TMEM135: variants seen among roughly 807,000 people sequenced by gnomAD.
TMEM135 encodes the protein peroxisomal membrane protein 52.
Under a neutral mutation model 60.3 loss-of-function variants are expected in TMEM135, and 30 were observed. That is an observed-to-expected ratio of 0.50 (90% CI 0.37 to 0.68). The LOEUF is 0.68. Among genes scored for constraint, TMEM135 ranks in the 30% least tolerant of loss-of-function variants. The pLI, the probability that TMEM135 is intolerant of heterozygous loss-of-function variation, is 0.00. For synonymous variants in TMEM135, 190 were observed against 186.7 expected (o/e 1.02, Z -0.14); for missense variants, 468 against 548.8 (o/e 0.85, Z 1.47).
At chr11:87,257,152 G>A (rs1941542434) in intron 6 of TMEM135, among the ~76,000 whole-genome samples, 1 of 152,058 alleles carries the variant, frequency 6.6e-6, no homozygotes, top group Non-Finnish European at 1.5e-5. Context: ...ATCCTCTTTT[G>A]CATGCTGTCT....
chr11:87,282,425 C>T lies in TMEM135; in HGVS notation c.510-13357C>T, dbSNP rs918416723. ...GATTACAGGCACGAGCCACCATGGC[C>T]GGCTAATTTTTGTATTTTTAGTAGA... is the stretch of plus-strand genomic sequence containing the variant. On this transcript the variant is annotated intron_variant, in intron 6 of 14. Coordinates refer to ENST00000305494, the MANE Select transcript of TMEM135 (RefSeq NM_022918.4). Among the ~76,000 whole-genome samples, 9 of 152,168 alleles carry T rather than the reference C, an allele frequency of 5.9e-5. No homozygotes were observed. In the South Asian group the frequency reaches 1.0e-3, roughly 18 times the overall value.
At chr11:87,288,839 C>T (rs1012451583) in intron 6 of TMEM135, among the ~76,000 whole-genome samples, 2 of 151,858 alleles carry the variant, frequency 1.3e-5, no homozygotes, top group East Asian at 3.9e-4. Context: ...ATTTAAAATG[C>T]GTAATATAAG....
At chr11:87,059,470 C>T (rs1004306505) in intron 1 of TMEM135, among the ~76,000 whole-genome samples, 1 of 151,964 alleles carries the variant, frequency 6.6e-6, no homozygotes, top group African/African-American at 2.4e-5. Context: ...CGTGTGCTAC[C>T]ACGCCTGGCT....
At chr11:87,123,862 A>G (rs1332942017) in intron 4 of TMEM135, among the ~76,000 whole-genome samples, 2 of 152,230 alleles carry the variant, frequency 1.3e-5, no homozygotes, top group Non-Finnish European at 2.9e-5. Context: ...AAACAATCCT[A>G]TAAAGCACAT....
intron 4 of TMEM135, among the ~76,000 whole-genome samples, chr11:87,147,372 CT>C (rs1254636421): frequency 2.0e-5 from 3 of 152,134 alleles, no homozygotes; most frequent in Non-Finnish European, 4.4e-5. Flanking sequence ...AAAATTGTTA[CT>C]TCTTTTTTAA....
intron 5 of TMEM135, among the ~76,000 whole-genome samples, chr11:87,160,094 G>C (rs1246496011): frequency 6.6e-6 from 1 of 151,984 alleles, no homozygotes; most frequent in Non-Finnish European, 1.5e-5. Context: ...TCAGGTAAGA[G>C]AAAAAAAGTT....
intron 5 of TMEM135, among the ~76,000 whole-genome samples, chr11:87,220,721 A>G (rs915101670): frequency 6.6e-6 from 1 of 152,170 alleles, no homozygotes; most frequent in African/African-American, 2.4e-5. Context: ...TCTAACCTGT[A>G]AGATATTTTT....
intron 3 of TMEM135, among the ~76,000 whole-genome samples, chr11:87,074,202 G>A (rs1455952188): frequency 6.6e-6 from 1 of 152,178 alleles, no homozygotes; most frequent in Non-Finnish European, 1.5e-5. Context: ...CCAACCTCAG[G>A]TGATCAGCCT....
chr11:87,038,084 T>A lies in TMEM135; in HGVS notation c.39T>A (p.Tyr13Ter). 6.2e-7 allele frequency: 1 copy of A among 1,613,152 alleles called. No homozygotes were observed. The highest frequency in any genetic ancestry group is 8.5e-7 in the Non-Finnish European group (1 of 1,179,086). Residue 13 changes from tyrosine (Y) to a stop codon, truncating the protein, a stop_gained, in exon 1 of 15, where the codon TAT (tyrosine) becomes TAA (stop). Transcript: ENST00000305494. LOFTEE classifies it high-confidence loss of function. ...GCAAGTCCATCCCTCATAACTGCTA[T>A]GAGATCGGCCACACTTGGCACCCTT... is the stretch of plus-strand genomic sequence containing the variant. ...ALSKSIPHNC[Y>*]EIGHTWHPSC...
intron 5 of TMEM135, among the ~76,000 whole-genome samples, chr11:87,199,233 C>T (rs918171473): frequency 4.6e-5 from 7 of 152,108 alleles, no homozygotes; most frequent in Non-Finnish European, 1.0e-4. Context: ...GGTGGAACTC[C>T]TGACCTCCTT....
chr11:87,155,372 T>G (rs1938666164), intron 4 of TMEM135, among the ~76,000 whole-genome samples: 1 of 152,236 alleles, frequency 6.6e-6, no homozygotes, highest in African/African-American at 2.4e-5. Context: ...GTCATAAAGC[T>G]TTCCCCTTAT....
intron 1 of TMEM135, among the ~76,000 whole-genome samples, chr11:87,043,666 T>G (rs1169305946): frequency 6.6e-6 from 1 of 152,018 alleles, no homozygotes; most frequent in Non-Finnish European, 1.5e-5. Context: ...GAGGTTGTAC[T>G]GAGCAGAGAT....
At chr11:87,120,103 T>TTTCG (rs1858006058) in intron 4 of TMEM135, among the ~76,000 whole-genome samples, 1 of 105,946 alleles carries the variant, frequency 9.4e-6, no homozygotes, top group Admixed American at 1.1e-4. Flanking sequence ...TAGTCTGTTT[T>TTTCG]TTTCTTCTTC....
chr11:87,107,150 C>A (rs1857617887), intron 4 of TMEM135, among the ~76,000 whole-genome samples: 1 of 152,114 alleles, frequency 6.6e-6, no homozygotes, highest in Non-Finnish European at 1.5e-5. Flanking sequence ...CAGACTATAT[C>A]ATTGGTCTAT....
At chr11:87,081,304 T>C (rs950973751) in intron 3 of TMEM135, among the ~76,000 whole-genome samples, 2 of 152,092 alleles carry the variant, frequency 1.3e-5, no homozygotes, top group Non-Finnish European at 2.9e-5. Flanking sequence ...GTTTGATTTT[T>C]TTTGTTTTGT....
At chr11:87,241,775 T>A (rs663362) in intron 6 of TMEM135, among the ~76,000 whole-genome samples, 99,970 of 151,754 alleles carry the variant, frequency 0.66, 33,518 homozygotes, top group Non-Finnish European at 0.71. Flanking sequence ...GATTTTTCTC[T>A]TTGTTTTCCT....
At chr11:87,195,703 C>T (rs1196489802) in intron 5 of TMEM135, among the ~76,000 whole-genome samples, 1 of 152,104 alleles carries the variant, frequency 6.6e-6, no homozygotes, top group Non-Finnish European at 1.5e-5. Flanking sequence ...AGCCACTGTG[C>T]CCAGACGAAA....
chr11:87,098,792 C>T (rs1857388402), intron 4 of TMEM135, among the ~76,000 whole-genome samples: 1 of 151,856 alleles, frequency 6.6e-6, no homozygotes, highest in Non-Finnish European at 1.5e-5. Context: ...GGGTTCATGC[C>T]ATTCTCCTGC....
chr11:87,064,962 TC>T (rs557418217), intron 1 of TMEM135, among the ~76,000 whole-genome samples: 3 of 151,406 alleles, frequency 2.0e-5, no homozygotes, highest in African/African-American at 4.9e-5. Flanking sequence ...TTTTTTTTTT[TC>T]CCCCCACTCA....
Sources: gnomAD v4.1 joint callset for allele counts (sites outside exome capture counted in the v4.1 genomes callset) on GRCh38, gnomAD v4.1.1 for gene constraint, MANE v1.5 for transcripts, NCBI Gene and HGNC (gene_info 2026-07-23, HGNC 2026-07-21) for gene names.